The following LINGO2 variants were observed in gnomAD, a reference collection of about 807,000 sequenced individuals.
The protein encoded by LINGO2 is leucine rich repeat and Ig domain containing 2, also known as leucine-rich repeat and immunoglobulin-like domain-containing nogo receptor-interacting protein 2.
Under a neutral mutation model 30.6 loss-of-function variants are expected in LINGO2, and 14 were observed. That is an observed-to-expected ratio of 0.46 (90% CI 0.30 to 0.72). The LOEUF (loss-of-function observed/expected upper bound fraction) is 0.72. Ranked by LOEUF, LINGO2 falls within the 30% of genes least tolerant of loss-of-function variation. LINGO2 has a pLI of 0.07. For missense variants in LINGO2, 729 were observed against 751.7 expected, an observed-to-expected ratio of 0.97 and a Z score of 0.35; for synonymous variants, 317 against 288.5, an observed-to-expected ratio of 1.10 and a Z score of -1.00.
intron 4 of LINGO2, among the ~76,000 whole-genome samples, chr9:28,022,865 A>G (rs997231300): frequency 2.5e-5 from 2 of 80,108 alleles, no homozygotes; most frequent in Admixed American, 3.0e-4. Flanking sequence ...TTCTCTGCTG[A>G]TTTTTTGTTT....
chr9:28,105,821 G>A (rs1826573181), intron 4 of LINGO2, among the ~76,000 whole-genome samples: 1 of 152,064 alleles, frequency 6.6e-6, no homozygotes, highest in South Asian at 2.1e-4. Context: ...CAGGAGGAGA[G>A]CCCTCACAAG....
the LINGO2 span, among the ~76,000 whole-genome samples, chr9:29,035,873 T>C: frequency 5.3e-5 from 8 of 151,942 alleles, no homozygotes; most frequent in Non-Finnish European, 8.8e-5. Context: ...TAAATTGTCA[T>C]GGAGGCAGAG....
rs576440710 is a variant in LINGO2, at chr9:28,448,615, T to C, written c.-279+27325A>G. On this transcript the variant is annotated intron_variant, in intron 2 of 5. Transcript: ENST00000379992. ...ATGATCCAGATGCAGATAAATACAA[T>C]AGAAGTGAGAAAATGGAAAGGCCTA... 3.3e-5 allele frequency among the ~76,000 whole-genome samples: 5 copies of C among 151,864 alleles called. No homozygotes were observed. The South Asian group carries it at 1.0e-3, about 32-fold the overall frequency.
At chr9:27,957,725 T>C (rs532122432) in intron 5 of LINGO2, among the ~76,000 whole-genome samples, 1 of 152,360 alleles carries the variant, frequency 6.6e-6, no homozygotes, top group Admixed American at 6.5e-5. Context: ...TAGCATCAAC[T>C]TGATGATTTC....
chr9:29,160,483 A>G, the LINGO2 span, among the ~76,000 whole-genome samples: 9 of 152,230 alleles, frequency 5.9e-5, no homozygotes, highest in Non-Finnish European at 2.9e-5. Flanking sequence ...TCTAAAATTA[A>G]TAAGTGACCA....
chr9:28,254,228 T>C (rs1205365819), intron 4 of LINGO2, among the ~76,000 whole-genome samples: 1 of 152,098 alleles, frequency 6.6e-6, no homozygotes, highest in Non-Finnish European at 1.5e-5. Flanking sequence ...ATTTTTAACA[T>C]TAATATTAAC....
intron 1 of LINGO2, among the ~76,000 whole-genome samples, chr9:28,629,915 C>T (rs1826855239): frequency 6.7e-6 from 1 of 149,254 alleles, no homozygotes; most frequent in African/African-American, 2.5e-5. Flanking sequence ...GATGCTATCC[C>T]TCCCCCATCC....
the LINGO2 span, among the ~76,000 whole-genome samples, chr9:28,783,753 C>G: frequency 6.6e-6 from 1 of 152,162 alleles, no homozygotes; most frequent in Non-Finnish European, 1.5e-5. Flanking sequence ...TTAGTCAATT[C>G]AGGCTGCTAT....
Position 28,148,867 on chromosome 9 carries a change from G to A in LINGO2, c.-86-136462C>T. Reference sequence around the variant, plus strand: ...TGCCCAGCTCTCCAGGCTTGCTGATGGTGGGGGAGGACATGCAGCCCAAGG... The same window carrying A: ...TGCCCAGCTCTCCAGGCTTGCTGATAGTGGGGGAGGACATGCAGCCCAAGG... On this transcript the variant is annotated intron_variant, in intron 4 of 5. Coordinates refer to ENST00000379992, the Ensembl canonical transcript of LINGO2. This position sits in a 1 kb window ranked among gnomAD's most constrained non-coding sequence, Gnocchi z 5.1. The A allele has an allele frequency of 1.3e-6, 2 of 1,533,746 alleles. No homozygotes were observed. Among genetic ancestry groups the A allele is most frequent in the Non-Finnish European group, 1.7e-6 (2 of 1,146,512 alleles).
intron 2 of LINGO2, among the ~76,000 whole-genome samples, chr9:28,459,514 A>G (rs1282078966): frequency 6.6e-6 from 1 of 151,848 alleles, no homozygotes; most frequent in Admixed American, 6.6e-5. Flanking sequence ...AAAAAAGTCT[A>G]TTTTCCTCAT....
intron 1 of LINGO2, among the ~76,000 whole-genome samples, chr9:28,594,278 C>T (rs1825066889): frequency 6.6e-6 from 1 of 151,902 alleles, no homozygotes; most frequent in Admixed American, 6.6e-5. Flanking sequence ...TATAATTAGC[C>T]AACTCATATT....
At chr9:29,094,378 G>A in the LINGO2 span, among the ~76,000 whole-genome samples, 4 of 138,588 alleles carry the variant, frequency 2.9e-5, 1 homozygote, top group Non-Finnish European at 6.3e-5. Flanking sequence ...GATGTTATAT[G>A]GCCTTTTCTT....
At chr9:28,879,139 G>A in the LINGO2 span, among the ~76,000 whole-genome samples, 1 of 152,144 alleles carries the variant, frequency 6.6e-6, no homozygotes, top group East Asian at 1.9e-4. Flanking sequence ...CTTCAGCAAA[G>A]TGTCAGGATA....
chr9:28,889,128 G>A, the LINGO2 span, among the ~76,000 whole-genome samples: 1 of 152,114 alleles, frequency 6.6e-6, no homozygotes, highest in Non-Finnish European at 1.5e-5. Flanking sequence ...CTTCATTTAT[G>A]TATTCAATAA....
intron 4 of LINGO2, among the ~76,000 whole-genome samples, chr9:28,265,836 C>A (rs148187749): frequency 0.013 from 2,024 of 151,966 alleles, 28 homozygotes; most frequent in South Asian, 0.049. Flanking sequence ...TTATTACCAC[C>A]TTTCTGAAAG....
chr9:28,626,419 CA>C (rs1375456596), intron 1 of LINGO2, among the ~76,000 whole-genome samples: 2 of 152,008 alleles, frequency 1.3e-5, no homozygotes, highest in African/African-American at 4.8e-5. Flanking sequence ...TCCAATGTGT[CA>C]ATATGTTTCC....
chr9:28,178,599 AT>A (rs1403915371), intron 4 of LINGO2, among the ~76,000 whole-genome samples: 2 of 152,144 alleles, frequency 1.3e-5, no homozygotes, highest in Non-Finnish European at 2.9e-5. Flanking sequence ...TATCTTCTCA[AT>A]GTTCACGGAA....
chr9:29,096,010 A>G, the LINGO2 span, among the ~76,000 whole-genome samples: 1 of 138,876 alleles, frequency 7.2e-6, no homozygotes, highest in Non-Finnish European at 1.6e-5. Flanking sequence ...AAATAGGATC[A>G]TGTTGGATTT....
intron 4 of LINGO2, among the ~76,000 whole-genome samples, chr9:28,181,738 C>T (rs1179754613): frequency 6.6e-6 from 1 of 152,122 alleles, no homozygotes; most frequent in Non-Finnish European, 1.5e-5. Context: ...TCTAGCATCC[C>T]TTGTGAGTTA....
Sources: allele counts gnomAD v4.1 joint callset (sites outside exome capture counted in the v4.1 genomes callset), GRCh38; gene constraint gnomAD v4.1.1; non-coding constraint Gnocchi (gnomAD v3.1); transcripts MANE v1.5; gene names NCBI Gene and HGNC (gene_info 2026-07-23, HGNC 2026-07-21).